ANKRD30B: variants seen among roughly 807,000 people sequenced by gnomAD.
ANKRD30B encodes the protein ankyrin repeat domain 30B.
In ANKRD30B, 144 loss-of-function variants were observed where a neutral mutation model predicts 202.2. That is an observed-to-expected ratio of 0.71 (90% CI 0.62 to 0.82). The LOEUF (loss-of-function observed/expected upper bound fraction) is 0.82, where lower values mean the gene tolerates loss of function less well. ANKRD30B is among the 40% of genes least tolerant of loss of function. ANKRD30B has a pLI of 0.00. For missense variants in ANKRD30B, 1,487 were observed against 1,669.1 expected (o/e 0.89, Z 1.90); for synonymous variants, 508 against 561.3 (o/e 0.91, Z 1.34).
chr18:14,779,547 A>G (rs1237059978), intron 10 of ANKRD30B, among the ~76,000 whole-genome samples: 1 of 152,204 alleles, frequency 6.6e-6, no homozygotes, highest in African/African-American at 2.4e-5. Context: ...ATGTTTTTTG[A>G]AGAACTGTGT....
intron 34 of ANKRD30B, among the ~76,000 whole-genome samples, chr18:14,834,443 T>C (rs933459772): frequency 6.6e-6 from 1 of 152,012 alleles, no homozygotes; most frequent in African/African-American, 2.4e-5. Flanking sequence ...GACAGATTCT[T>C]ATAAAAGCAC....
intron 9 of ANKRD30B, among the ~76,000 whole-genome samples, chr18:14,773,658 GT>G (rs1567996878): frequency 1.7e-5 from 2 of 115,670 alleles, no homozygotes; most frequent in Non-Finnish European, 3.6e-5. Context: ...CTCAACTCAT[GT>G]TCTTTTTTTT....
chr18:14,873,223 T>C, the ANKRD30B span, among the ~76,000 whole-genome samples: 1 of 152,140 alleles, frequency 6.6e-6, no homozygotes. Context: ...TGTATATCTT[T>C]ATAATTAAAA....
At chr18:14,772,653 T>C (rs1967076280) in intron 9 of ANKRD30B, among the ~76,000 whole-genome samples, 1 of 151,290 alleles carries the variant, frequency 6.6e-6, no homozygotes, top group African/African-American at 2.4e-5. Flanking sequence ...ATTATAGTAA[T>C]CAAGGAATCT....
chr18:14,909,196 T>A, the ANKRD30B span, among the ~76,000 whole-genome samples: 1 of 152,190 alleles, frequency 6.6e-6, no homozygotes, highest in East Asian at 1.9e-4. Context: ...TCTGTCACCA[T>A]GTCTGTAAAT....
At chr18:14,775,295 C>T (rs952115587) in intron 9 of ANKRD30B, among the ~76,000 whole-genome samples, 1 of 152,184 alleles carries the variant, frequency 6.6e-6, no homozygotes, top group Non-Finnish European at 1.5e-5. Context: ...TTAGAAGGCA[C>T]TAGGAATCTA....
the ANKRD30B span, among the ~76,000 whole-genome samples, chr18:14,937,050 G>A: frequency 6.6e-6 from 1 of 152,192 alleles, no homozygotes. Context: ...TGCTGGTAGT[G>A]ACCAACTGAA....
At chr18:14,770,396 A>T (rs1481883719) in intron 8 of ANKRD30B, among the ~76,000 whole-genome samples, 3 of 152,124 alleles carry the variant, frequency 2.0e-5, no homozygotes, top group African/African-American at 7.2e-5. Flanking sequence ...GAGGTAGGAG[A>T]AGTAATATTT....
chr18:14,907,005 A>G, the ANKRD30B span, among the ~76,000 whole-genome samples: 5 of 152,206 alleles, frequency 3.3e-5, no homozygotes, highest in Admixed American at 1.3e-4. Context: ...CCTGCGATCA[A>G]TAGAAAGGAA....
chr18:14,775,245 T>C (rs902039186), intron 9 of ANKRD30B, among the ~76,000 whole-genome samples: 35 of 152,254 alleles, frequency 2.3e-4, no homozygotes, highest in African/African-American at 8.0e-4. Context: ...GCAGGATTAA[T>C]TTTGAAGCCA....
intron 28 of ANKRD30B, among the ~76,000 whole-genome samples, chr18:14,810,606 T>G (rs902592309): frequency 6.6e-6 from 1 of 151,174 alleles, no homozygotes; most frequent in Non-Finnish European, 1.5e-5. Flanking sequence ...AATCAGTTTC[T>G]TGTTTTTCTG....
chr18:14,798,842 T>C (rs1969112458), intron 20 of ANKRD30B, among the ~76,000 whole-genome samples: 1 of 152,262 alleles, frequency 6.6e-6, no homozygotes, highest in East Asian at 1.9e-4. Flanking sequence ...GGCATTGTCT[T>C]TACACAATCC....
At chr18:14,803,596 C>T (rs1196299128) in intron 23 of ANKRD30B, 138 bp from the exon 24 acceptor site, 3 of 1,033,820 alleles carry the variant, frequency 2.9e-6, no homozygotes, top group Non-Finnish European at 4.4e-6. Flanking sequence ...TGGGTTTCAA[C>T]ACATGTCTGC....
chr18:14,758,953 A>G (rs541764864), intron 5 of ANKRD30B, among the ~76,000 whole-genome samples: 1 of 152,246 alleles, frequency 6.6e-6, no homozygotes, highest in African/African-American at 2.4e-5. Context: ...CATCTTTCCA[A>G]AGTTGTAGTG....
At chr18:14,906,911 G>C in the ANKRD30B span, among the ~76,000 whole-genome samples, 1 of 150,334 alleles carries the variant, frequency 6.7e-6, no homozygotes, top group African/African-American at 2.4e-5. Context: ...TGAGGAGGGT[G>C]GGGGGTTGGG....
At chr18:14,826,676 C>T (rs1437129352) in intron 32 of ANKRD30B, among the ~76,000 whole-genome samples, 4 of 50,154 alleles carry the variant, frequency 8.0e-5, no homozygotes, top group Admixed American at 2.6e-4. Flanking sequence ...CTCTCTCTCC[C>T]CCTCTCTCTC....
chr18:14,791,754 G>A (rs552664075), intron 16 of ANKRD30B, among the ~76,000 whole-genome samples: 1 of 152,224 alleles, frequency 6.6e-6, no homozygotes, highest in African/African-American at 2.4e-5. Context: ...AAAGGAGAAA[G>A]TAGTAAAAGA....
chr18:14,763,838 T>C lies in ANKRD30B; in HGVS notation c.973T>C (p.Ser325Pro). The part of the protein sequence containing the change: ...AKIQCLGKAT[S>P]GKFEQSTEET... The stretch of plus-strand genomic sequence containing the variant: ...AATTCAATGTCTGGGGAAAGCAACA[T>C]CTGGAAAGTTTGAACAGTCAACAGA... The change falls in exon 7 of 44, where the codon TCT (serine) becomes CCT (proline). Residue 325 changes from serine to proline, a missense_variant. This residue lies in a region of ANKRD30B where 889 missense variants were observed against 841.4 expected (regional missense o/e 1.06). Transcript: ENST00000690538. 6 of 1,613,388 alleles carry C rather than the reference T, an allele frequency of 3.7e-6. No homozygotes were observed. The highest frequency in any genetic ancestry group is 5.1e-6 in the Non-Finnish European group (6 of 1,179,710).
intron 16 of ANKRD30B, among the ~76,000 whole-genome samples, chr18:14,792,713 T>C (rs1163965496): frequency 1.5e-5 from 2 of 134,852 alleles, no homozygotes; most frequent in African/African-American, 5.5e-5. Context: ...ATTTTCTTTA[T>C]TACTATGAGG....
Sources: allele counts gnomAD v4.1 joint callset (sites outside exome capture counted in the v4.1 genomes callset), GRCh38; gene constraint gnomAD v4.1.1; regional missense constraint gnomAD v4.1.1; transcripts MANE v1.5; gene names NCBI Gene and HGNC (gene_info 2026-07-23, HGNC 2026-07-21).